The following DPP6 variants were observed in gnomAD, a reference collection of about 807,000 sequenced individuals.
DPP6 encodes A-type potassium channel modulatory protein DPP6.
A neutral mutation model predicts 122.6 loss-of-function variants in DPP6; 69 were observed. That is an observed-to-expected ratio of 0.56 (90% CI 0.46 to 0.69). DPP6 has a LOEUF of 0.69. DPP6 is among the 30% of genes least tolerant of loss of function. The pLI, the probability that DPP6 is intolerant of heterozygous loss-of-function variation, is 0.00. For synonymous variants in DPP6, 418 were observed against 433.1 expected (o/e 0.97, Z 0.43); for missense variants, 928 against 1,116.9 (o/e 0.83, Z 2.41).
intron 1 of DPP6, among the ~76,000 whole-genome samples, chr7:154,402,426 T>G (rs1487637504): frequency 2.0e-5 from 3 of 149,632 alleles, no homozygotes; most frequent in East Asian, 2.0e-4. Flanking sequence ...CCATAAAAAA[T>G]GATGAGTTCA....
At chr7:154,720,888 G>A (rs1364426483) in intron 7 of DPP6, among the ~76,000 whole-genome samples, 2 of 152,248 alleles carry the variant, frequency 1.3e-5, no homozygotes, top group Non-Finnish European at 1.5e-5. Context: ...GGCAGCTGAC[G>A]ACAAAACTCC....
intron 1 of DPP6, among the ~76,000 whole-genome samples, chr7:154,145,092 T>G (rs1796024515): frequency 6.6e-6 from 1 of 152,236 alleles, no homozygotes; most frequent in Non-Finnish European, 1.5e-5. Context: ...ACTCAAGCAC[T>G]GATTTCAGTG....
rs750832223 is a variant in DPP6 at position 154,807,024 on chromosome 7, G to A, written c.1578G>A (p.Gln526=). The A allele has an allele frequency of 6.2e-7, 1 of 1,613,896 alleles. No homozygotes were observed. The highest frequency in any genetic ancestry group is 2.2e-5 in the East Asian group (1 of 44,878). ...SANTVGNFNR[Q]CLSCDLVENC... is the part of the protein sequence containing the mutation. ...ACACGGTGGGCAACTTCAACAGGCA[G>A]TGCCTCTCCTGTGACCTGGTTGAGA... Residue 526 remains glutamine (Q), a synonymous_variant, in exon 16 of 26, where the codon CAG becomes CAA. Coordinates refer to ENST00000377770, the MANE Select transcript of DPP6 (RefSeq NM_130797.4).
chr7:154,152,440 A>T (rs1004769679), intron 1 of DPP6, among the ~76,000 whole-genome samples: 2 of 152,246 alleles, frequency 1.3e-5, no homozygotes, highest in African/African-American at 4.8e-5. Flanking sequence ...CCTACAGAGC[A>T]GGCCTCAATC....
intron 1 of DPP6, among the ~76,000 whole-genome samples, chr7:153,928,442 A>G (rs1255277262): frequency 3.8e-5 from 3 of 79,372 alleles, no homozygotes; most frequent in East Asian, 3.8e-4. Flanking sequence ...GAGTTTCACC[A>G]TGTTGGCCAG....
chr7:154,480,060 C>T (rs917260877), intron 3 of DPP6, among the ~76,000 whole-genome samples: 1 of 151,706 alleles, frequency 6.6e-6, no homozygotes, highest in African/African-American at 2.4e-5. Context: ...GCTGTCTGCA[C>T]TCAATCTAAA....
intron 7 of DPP6, among the ~76,000 whole-genome samples, chr7:154,673,798 C>T (rs61294928): frequency 0.12 from 18,444 of 152,074 alleles, 1,217 homozygotes; most frequent in African/African-American, 0.16. Context: ...GCTGTTTCAA[C>T]GTATTTCTCT....
chr7:153,817,477 T>C, the DPP6 span, among the ~76,000 whole-genome samples: 1 of 149,574 alleles, frequency 6.7e-6, no homozygotes, highest in Non-Finnish European at 1.5e-5. Context: ...AAGGGAAGGA[T>C]TTCACACACA....
chr7:154,448,721 A>G (rs1820100478), intron 2 of DPP6, among the ~76,000 whole-genome samples: 1 of 152,254 alleles, frequency 6.6e-6, no homozygotes, highest in African/African-American at 2.4e-5. Flanking sequence ...AGGTATAGAC[A>G]TATGGATCAA....
chr7:154,790,049 T>C (rs1305925608), intron 10 of DPP6, among the ~76,000 whole-genome samples: 2 of 152,042 alleles, frequency 1.3e-5, no homozygotes, highest in Non-Finnish European at 2.9e-5. Context: ...AATACAAAAA[T>C]TAGCCGGGCA....
intron 1 of DPP6, among the ~76,000 whole-genome samples, chr7:153,935,765 C>A (rs1484724676): frequency 6.6e-6 from 1 of 152,210 alleles, no homozygotes; most frequent in East Asian, 1.9e-4. Context: ...CCACGCGCTG[C>A]TCTCCCGTTC....
intron 1 of DPP6, among the ~76,000 whole-genome samples, chr7:154,215,568 A>ATCTTG (rs1799952605): frequency 6.6e-6 from 1 of 152,180 alleles, no homozygotes; most frequent in African/African-American, 2.4e-5. Flanking sequence ...GATAGACTTT[A>ATCTTG]TCTTGTCTCT....
At chr7:154,012,254 T>A (rs1407910097) in intron 1 of DPP6, among the ~76,000 whole-genome samples, 1 of 152,204 alleles carries the variant, frequency 6.6e-6, no homozygotes, top group Non-Finnish European at 1.5e-5. Context: ...AAGACACTAA[T>A]GATCAAAGAT....
intron 1 of DPP6, among the ~76,000 whole-genome samples, chr7:153,954,478 G>A (rs907703856): frequency 4.6e-5 from 7 of 152,178 alleles, no homozygotes; most frequent in Non-Finnish European, 1.0e-4. Context: ...TACCAGATTG[G>A]CACCTCATGA....
intron 3 of DPP6, among the ~76,000 whole-genome samples, chr7:154,501,424 A>G (rs1460168110): frequency 1.3e-5 from 2 of 152,134 alleles, no homozygotes; most frequent in Admixed American, 1.3e-4. Flanking sequence ...AGGAGGACAA[A>G]GTGGTTTGGT....
At chr7:154,544,571 A>T (rs558200644) in intron 4 of DPP6, among the ~76,000 whole-genome samples, 6 of 152,274 alleles carry the variant, frequency 3.9e-5, no homozygotes, top group African/African-American at 1.4e-4. Context: ...AGAAACATCC[A>T]TGTGAGTGAC....
At chr7:153,985,532 G>T (rs1469666514) in intron 1 of DPP6, among the ~76,000 whole-genome samples, 2 of 152,194 alleles carry the variant, frequency 1.3e-5, no homozygotes, top group African/African-American at 4.8e-5. Flanking sequence ...AGAGAGAAAT[G>T]ATCTACTTTT....
At chr7:154,502,785 G>A (rs10952488) in intron 3 of DPP6, among the ~76,000 whole-genome samples, 38,950 of 152,130 alleles carry the variant, frequency 0.26, 5,108 homozygotes, top group Middle Eastern at 0.32. Flanking sequence ...TTTGTAGTTC[G>A]TAGGAAGGCC....
At chr7:153,959,442 A>G (rs1261257073) in intron 1 of DPP6, among the ~76,000 whole-genome samples, 1 of 152,236 alleles carries the variant, frequency 6.6e-6, no homozygotes, top group Non-Finnish European at 1.5e-5. Context: ...TTGAGATGAT[A>G]AAGGAGACAT....
Sources: allele counts gnomAD v4.1 joint callset (sites outside exome capture counted in the v4.1 genomes callset), GRCh38; gene constraint gnomAD v4.1.1; transcripts MANE v1.5; gene names NCBI Gene and HGNC (gene_info 2026-07-23, HGNC 2026-07-21).